The following PCSK6 variants were observed in gnomAD, a reference collection of about 807,000 sequenced individuals.
The protein encoded by PCSK6 is paired basic amino acid cleaving enzyme 4.
Under a neutral mutation model 123.3 loss-of-function variants are expected in PCSK6, and 85 were observed. The ratio of observed to expected loss-of-function variants is 0.69; its 90% CI spans 0.58 to 0.83. The LOEUF (loss-of-function observed/expected upper bound fraction) is 0.83. PCSK6 is among the 40% of genes least tolerant of loss of function. The pLI is 0.00. For missense variants in PCSK6, 1,191 were observed against 1,282.3 expected (o/e 0.93, Z 1.09); for synonymous variants, 508 against 516.0 (o/e 0.98, Z 0.21).
At chr15:101,449,007 G>T (rs2056963905) in intron 1 of PCSK6, among the ~76,000 whole-genome samples, 2 of 152,010 alleles carry the variant, frequency 1.3e-5, no homozygotes, top group Middle Eastern at 3.4e-3. Flanking sequence ...ACGTATGCCG[G>T]TGTGTGTGTG....
chr15:101,469,500 AT>A (rs1171478906), intron 1 of PCSK6, among the ~76,000 whole-genome samples: 1 of 152,104 alleles, frequency 6.6e-6, no homozygotes, highest in Non-Finnish European at 1.5e-5. Context: ...CCCAAGTTTT[AT>A]TTTCTTTCAT....
At chr15:101,467,657 T>C (rs1199278664) in intron 1 of PCSK6, among the ~76,000 whole-genome samples, 2 of 152,204 alleles carry the variant, frequency 1.3e-5, no homozygotes, top group African/African-American at 4.8e-5. Flanking sequence ...AACACGGTAG[T>C]GTTCACAGCA....
At chr15:101,463,854 G>A (rs576312298) in intron 1 of PCSK6, among the ~76,000 whole-genome samples, 12 of 152,212 alleles carry the variant, frequency 7.9e-5, no homozygotes, top group South Asian at 4.2e-4. Context: ...TGTCCTTAGA[G>A]AGCATATAGA....
At chr15:101,427,660 C>A (rs907714285) in intron 6 of PCSK6, among the ~76,000 whole-genome samples, 1 of 152,238 alleles carries the variant, frequency 6.6e-6, no homozygotes, top group African/African-American at 2.4e-5. Flanking sequence ...CTGATGGGAA[C>A]TGCAATGGCT....
intron 1 of PCSK6, 152 bp from the exon 2 acceptor site, chr15:101,443,812 T>A (rs901656430): frequency 1.6e-6 from 1 of 635,864 alleles, no homozygotes; most frequent in Non-Finnish European, 2.8e-6. Flanking sequence ...ATCTCTGGCA[T>A]GTGTGCAGTG....
Position 101,305,795 on chromosome 15 carries a change from CACAG to C in PCSK6, c.2813-444_2813-441del, listed in dbSNP as rs1307656732. On this transcript the variant is annotated intron_variant, in intron 21 of 21. Transcript: ENST00000611716. This position sits in a 1 kb window ranked among gnomAD's most constrained non-coding sequence, Gnocchi z 4.8. ...TCAGTGGTGCCCTGGGCAAGAGGGA[CACAG>C]ACAGAGGTGGGCAGCAGGATGGCAG... 9 of 158,418 alleles carry C rather than the reference CACAG, an allele frequency of 5.7e-5. No homozygotes were observed. In the South Asian group the frequency reaches 1.2e-3, roughly 22 times the overall value. 9.8% of individuals were successfully genotyped at this position (158,418 alleles called of 1,614,324 possible). A position where few individuals can be genotyped will look rare whatever the true frequency, so the allele number is the denominator to read the frequency against.
At chr15:101,340,949 T>A (rs952345082) in intron 13 of PCSK6, among the ~76,000 whole-genome samples, 1 of 151,448 alleles carries the variant, frequency 6.6e-6, no homozygotes, top group Non-Finnish European at 1.5e-5. Context: ...TCCCAAATTT[T>A]TTTTTTTTTT....
Position 101,316,910 on chromosome 15 carries a change from G to GTTTTTTTTTTTTTTTTTTT in PCSK6, c.2569+1390_2569+1408dup, listed in dbSNP as rs57613156. Among the ~76,000 whole-genome samples the GTTTTTTTTTTTTTTTTTTT allele has an allele frequency of 4.2e-4, 48 of 114,944 alleles. 9 individuals are homozygous for GTTTTTTTTTTTTTTTTTTT. Among genetic ancestry groups the GTTTTTTTTTTTTTTTTTTT allele is most frequent in the African/African-American group, 1.8e-3 (45 of 25,390 alleles). 75.4% of individuals were successfully genotyped at this position (114,944 alleles called of 152,430 possible). ...ACTGGTTTAGCAGAGACTTAATTCT[G>GTTTTTTTTTTTTTTTTTTT]TTTTTTTTTTTTTTTTTTTGACAGA... On this transcript the variant is annotated intron_variant, in intron 19 of 21. Transcript: ENST00000611716.
At chr15:101,449,678 C>T (rs1299664190) in intron 1 of PCSK6, among the ~76,000 whole-genome samples, 3 of 152,170 alleles carry the variant, frequency 2.0e-5, no homozygotes, top group Non-Finnish European at 4.4e-5. Context: ...CCCAGATGGA[C>T]GTTCTGGTTC....
intron 1 of PCSK6, among the ~76,000 whole-genome samples, chr15:101,444,924 T>C (rs2056847363): frequency 6.6e-6 from 1 of 152,116 alleles, no homozygotes; most frequent in South Asian, 2.1e-4. Context: ...AGAGAGAGCC[T>C]CCCAGCCCCT....
At chr15:101,316,431 G>A (rs1332778025) in intron 19 of PCSK6, 1 of 152,262 alleles carries the variant, frequency 6.6e-6, no homozygotes, top group Non-Finnish European at 1.5e-5. Context: ...AGAAAGAAAA[G>A]TGAATTATTG....
At chr15:101,309,486 G>A (rs1223260133) in intron 20 of PCSK6, among the ~76,000 whole-genome samples, 14 of 152,230 alleles carry the variant, frequency 9.2e-5, no homozygotes. Context: ...TGGCCGCTTT[G>A]CCCTGCCACA....
chr15:101,346,648 A>C, intron 13 of PCSK6: 1 of 681,448 alleles, frequency 1.5e-6, no homozygotes, highest in Non-Finnish European at 2.1e-6. Context: ...AGGAATGCCC[A>C]AGCGTACCTC....
At position 101,467,104 on chromosome 15, in the gene PCSK6, T is replaced by TA. The variant is rs143120072; in HGVS notation, c.297+22269dup. 2.8e-3 allele frequency among the ~76,000 whole-genome samples: 424 copies of TA among 151,944 alleles called. 4 individuals are homozygous for TA. The highest frequency in any genetic ancestry group is 9.4e-3 in the African/African-American group (391 of 41,400). On this transcript the variant is annotated intron_variant, in intron 1 of 21. Transcript: ENST00000611716. Reference sequence around the variant, plus strand: ...TTAATCAGAAGACACCCCATACAGGTAAAAAAAATTCATAAACTGGGAAAC... The same window carrying TA: ...TTAATCAGAAGACACCCCATACAGGTAAAAAAAAATTCATAAACTGGGAAAC...
At chr15:101,379,508 G>C (rs1216929316) in intron 11 of PCSK6, among the ~76,000 whole-genome samples, 2 of 152,204 alleles carry the variant, frequency 1.3e-5, no homozygotes, top group Non-Finnish European at 2.9e-5. Flanking sequence ...ATGCACACGA[G>C]AGGGGTGTAT....
At chr15:101,347,287 A>G in intron 13 of PCSK6, 1 of 1,232,874 alleles carries the variant, frequency 8.1e-7, no homozygotes, top group East Asian at 3.1e-5. Flanking sequence ...AGATTAGCTC[A>G]AAAGAGATGT....
chr15:101,379,397 C>T (rs1383132113), intron 11 of PCSK6, among the ~76,000 whole-genome samples: 1 of 152,234 alleles, frequency 6.6e-6, no homozygotes, highest in Non-Finnish European at 1.5e-5. Flanking sequence ...CCGTGCTTAA[C>T]ATCCAGTGAA....
chr15:101,342,025 G>A (rs572387975), intron 13 of PCSK6, among the ~76,000 whole-genome samples: 5 of 150,312 alleles, frequency 3.3e-5, no homozygotes, highest in East Asian at 4.0e-4. Context: ...AGCTACTTGG[G>A]AGGCTGAAGC....
At chr15:101,391,296 T>C (rs570837866) in intron 8 of PCSK6, among the ~76,000 whole-genome samples, 26 of 152,278 alleles carry the variant, frequency 1.7e-4, no homozygotes, top group Non-Finnish European at 2.9e-4. Flanking sequence ...TACTTGGGCT[T>C]GGTAAATGGT....
Sources: gnomAD v4.1 joint callset for allele counts (sites outside exome capture counted in the v4.1 genomes callset) on GRCh38, gnomAD v4.1.1 for gene constraint, Gnocchi (gnomAD v3.1) non-coding constraint, MANE v1.5 for transcripts, NCBI Gene and HGNC (gene_info 2026-07-23, HGNC 2026-07-21) for gene names.